Variants in F8 observed in about 807,000 individuals in gnomAD.
F8 encodes the protein antihemophilic factor.
F8 carries 12 observed loss-of-function variants against 140.6 expected under a neutral mutation model. The ratio of observed to expected loss-of-function variants is 0.09; its 90% CI spans 0.05 to 0.14. The LOEUF (loss-of-function observed/expected upper bound fraction) is 0.14, where lower values mean the gene tolerates loss of function less well. Ranked by LOEUF, F8 falls within the 10% of genes least tolerant of loss-of-function variation. F8 has a pLI of 1.00. For missense variants in F8, 1,354 were observed against 1,720.7 expected, an observed-to-expected ratio of 0.79 and a Z score of 3.77; for synonymous variants, 585 against 614.6, an observed-to-expected ratio of 0.95 and a Z score of 0.71.
At chrX:155,012,868 C>T (rs1311477620) in intron 1 of F8, among the ~76,000 whole-genome samples, 4 of 109,682 alleles carry the variant, frequency 3.6e-5, no homozygotes, top group Non-Finnish European at 7.6e-5. Context: ...AATAGTCAGC[C>T]GGGCGCGGTG....
At chrX:155,009,385 T>C (rs2073694588) in intron 1 of F8, among the ~76,000 whole-genome samples, 1 of 111,221 alleles carries the variant, frequency 9.0e-6, no homozygotes, top group African/African-American at 3.3e-5. Flanking sequence ...TCTGTGCAGT[T>C]TCCATTGATT....
In F8 at chrX:155,022,516, G is replaced by A; in HGVS notation, c.37C>T (p.Leu13Phe). ...GTGGCACTAAAGCAGAATCGCAAAA[G>A]GCACAGAAAGAAGCAGGTGGAGAGC... ...IELSTCFFLC[L>F]LRFCFSATRR... The change falls in exon 1 of 26, where the codon CTT (leucine) becomes TTT (phenylalanine). Residue 13 changes from leucine to phenylalanine, a missense_variant. Transcript: ENST00000360256. The A allele has an allele frequency of 8.3e-7, 1 of 1,211,527 alleles. No individual in the cohort carries two copies. Among genetic ancestry groups the A allele is most frequent in the Admixed American group, 2.2e-5 (1 of 46,012 alleles).
intron 5 of F8, 91 bp downstream of exon 5, chrX:154,987,146 T>C: frequency 1.3e-6 from 1 of 744,421 alleles, no homozygotes; most frequent in South Asian, 2.3e-5. Flanking sequence ...TGAACAGTAA[T>C]GTAATTTATG....
intron 14 of F8, 27 bp downstream of exon 14, chrX:154,928,544 G>A (rs1557278248): frequency 8.7e-7 from 1 of 1,147,980 alleles, no homozygotes; most frequent in East Asian, 3.0e-5. Context: ...CAAGAGCAGA[G>A]CAAAGGAATA....
rs2073190521 is a variant in F8 at position 154,930,675 on chromosome X, A to G, written c.3115T>C (p.Leu1039=). 1 of 1,209,300 alleles carries G rather than the reference A, an allele frequency of 8.3e-7. No homozygotes were observed. The highest frequency in any genetic ancestry group is 3.0e-5 in the East Asian group (1 of 33,829). The change falls in exon 14 of 26, where the codon TTA becomes CTA. Residue 1039 remains leucine (L), a synonymous_variant. Coordinates refer to ENST00000360256, the MANE Select transcript of F8 (RefSeq NM_000132.4). ...NRKTHIDGPS[L]LIENSPSVWQ... is the part of the protein sequence containing the mutation. ...ACTGATGGACTATTCTCAATTAATA[A>G]TGATGGGCCATCAATGTGAGTCTTT...
chrX:154,927,068 C>T (rs1316480422), intron 14 of F8, among the ~76,000 whole-genome samples: 2 of 111,178 alleles, frequency 1.8e-5, no homozygotes, highest in Non-Finnish European at 3.8e-5. Flanking sequence ...CCTGTATCAA[C>T]GATGGAGTAA....
chrX:155,014,040 G>A (rs2073722561), intron 1 of F8, among the ~76,000 whole-genome samples: 1 of 111,216 alleles, frequency 9.0e-6, no homozygotes, highest in South Asian at 3.8e-4. Flanking sequence ...GTGGGGGGAG[G>A]TGGAGACAAT....
rs957842258 is a variant in F8 at position 154,976,531 on chromosome X, G to A, written c.788-6979C>T. 5.5e-5 allele frequency among the ~76,000 whole-genome samples: 6 copies of A among 109,865 alleles called. No homozygotes were observed. In the East Asian group the frequency reaches 8.5e-4, roughly 16 times the overall value. ...GCTGGTGCACTGCACCCACTAACTC[G>A]TCATCTAGCATTAGGTATATCTCCT... On this transcript the variant is annotated intron_variant, in intron 6 of 25. Coordinates refer to ENST00000360256, the MANE Select transcript of F8 (RefSeq NM_000132.4).
At chrX:154,958,689 C>T (rs1557281410) in intron 10 of F8, among the ~76,000 whole-genome samples, 2 of 112,025 alleles carry the variant, frequency 1.8e-5, no homozygotes, top group African/African-American at 6.5e-5. Flanking sequence ...TCTTGGCTCA[C>T]TGCAACCTTC....
intron 4 of F8, among the ~76,000 whole-genome samples, chrX:154,990,902 T>C (rs1396348673): frequency 8.9e-6 from 1 of 112,045 alleles, no homozygotes; most frequent in African/African-American, 3.2e-5. Flanking sequence ...CTTTTCTCTC[T>C]GTCATCTATA....
intron 14 of F8, among the ~76,000 whole-genome samples, chrX:154,917,406 T>C (rs939525239): frequency 4.3e-4 from 48 of 111,879 alleles, no homozygotes; most frequent in African/African-American, 1.5e-3. Context: ...AGTTTAATTA[T>C]TGTATGCCTT....
intron 11 of F8, among the ~76,000 whole-genome samples, chrX:154,954,770 T>C (rs2073354915): frequency 8.9e-6 from 1 of 111,913 alleles, no homozygotes; most frequent in South Asian, 3.7e-4. Flanking sequence ...GAATAATATT[T>C]CAGTTCTCTT....
Position 154,984,916 on chromosome X carries a change from A to G in F8, c.671-113T>C, listed in dbSNP as rs1603436139. On this transcript the variant is annotated intron_variant, in intron 5 of 25. Transcript: ENST00000360256. ...TGCTCACACCTTAAGCATTTTTGTC[A>G]GCAAAGTAGGCACACAGCACTTATC... 9 of 589,439 alleles carry G rather than the reference A, an allele frequency of 1.5e-5. No individual in the cohort carries two copies. The East Asian group carries it at 2.9e-4, about 19-fold the overall frequency. The allele number at this position is 589,439 out of a possible 1,213,427, so 48.6% of individuals were successfully genotyped here. A position where few individuals can be genotyped will look rare whatever the true frequency, so the allele number is the denominator to read the frequency against.
At chrX:154,911,988 T>C (rs1233535177) in intron 14 of F8, among the ~76,000 whole-genome samples, 5 of 112,409 alleles carry the variant, frequency 4.4e-5, no homozygotes, top group Non-Finnish European at 9.4e-5. Flanking sequence ...TGTTGGCCAT[T>C]TGTATGTTTT....
rs374988541 is a variant in F8, at chrX:154,906,502, T to C, written c.5291A>G (p.Gln1764Arg). Reference sequence around the variant, plus strand: ...ATTTAGTTCTCCACGGTATAAGGGCTGAGTAAAGGAGCCATCAGTAAATTC... The same window carrying C: ...ATTTAGTTCTCCACGGTATAAGGGCCGAGTAAAGGAGCCATCAGTAAATTC... Reference protein sequence around the residue: ...FQEFTDGSFTQPLYRGELNEH... With the variant: ...FQEFTDGSFTRPLYRGELNEH... The change falls in exon 15 of 26, where the codon CAG (glutamine) becomes CGG (arginine). Residue 1764 changes from glutamine (Q) to arginine (R), a missense_variant. Gln to Arg is a conservative substitution (Grantham distance 43). Coordinates refer to ENST00000360256, the MANE Select transcript of F8 (RefSeq NM_000132.4). 1.3e-4 allele frequency: 160 copies of C among 1,208,044 alleles called. No individual in the cohort carries two copies. Among genetic ancestry groups the C allele is most frequent in the Non-Finnish European group, 1.5e-4 (138 of 893,782 alleles).
At chrX:154,898,872 G>A (rs1251780608) in intron 21 of F8, among the ~76,000 whole-genome samples, 2 of 111,535 alleles carry the variant, frequency 1.8e-5, no homozygotes, top group Non-Finnish European at 3.8e-5. Flanking sequence ...AGGGTTCATT[G>A]GCTAGGCACA....
chrX:154,929,924 T>G lies in F8; in HGVS notation c.3866A>C (p.Lys1289Thr), dbSNP rs985841292. ...RTKKHTAHFSKKGEEENLEGL... is the reference protein window; with the variant it reads ...RTKKHTAHFSTKGEEENLEGL... ...TTCCAAGTTTTCTTCCTCCCCTTTTTTTGAGAAATGAGCTGTGTGTTTCTT... is the reference window on the plus strand; with the variant it reads ...TTCCAAGTTTTCTTCCTCCCCTTTTGTTGAGAAATGAGCTGTGTGTTTCTT... Residue 1289 changes from lysine to threonine, a missense_variant, in exon 14 of 26, where the codon AAA becomes ACA. Lys to Thr is a moderately conservative substitution (Grantham distance 78). This residue lies in a region of F8 where 658 missense variants were observed against 666.5 expected (regional missense o/e 0.99). Transcript: ENST00000360256. 1 of 1,209,798 alleles carries G rather than the reference T, an allele frequency of 8.3e-7. No homozygotes were observed. Among genetic ancestry groups the G allele is most frequent in the Non-Finnish European group, 1.1e-6 (1 of 895,171 alleles).
chrX:154,867,711 A>G (rs1415794793), intron 22 of F8, among the ~76,000 whole-genome samples: 3 of 103,159 alleles, frequency 2.9e-5, no homozygotes, highest in Non-Finnish European at 5.9e-5. Context: ...AAAAAAAAAA[A>G]GAAAGAAAAA....
chrX:154,929,613 G>A lies in F8; in HGVS notation c.4177C>T (p.Leu1393Phe). ...TGAGGGATGCTATGACTCCTCGTAAGGCAATCTGATAAGGGAGACTGAGTA... is the reference window on the plus strand; with the variant it reads ...TGAGGGATGCTATGACTCCTCGTAAAGCAATCTGATAAGGGAGACTGAGTA... ...AITQSPLSDC[L>F]TRSHSIPQAN... The change falls in exon 14 of 26, where the codon CTT becomes TTT. Residue 1393 changes from leucine (L) to phenylalanine (F), a missense_variant. Around this residue, in one of 4 missense-constraint regions of F8, gnomAD observed 658 missense variants for 666.5 expected, o/e 0.99. Coordinates refer to ENST00000360256, the MANE Select transcript of F8 (RefSeq NM_000132.4). 3 of 1,211,170 alleles carry A rather than the reference G, an allele frequency of 2.5e-6. No homozygotes were observed. The highest frequency in any genetic ancestry group is 3.4e-6 in the Non-Finnish European group (3 of 895,106).
Sources: allele counts gnomAD v4.1 joint callset (sites outside exome capture counted in the v4.1 genomes callset), GRCh38; gene constraint gnomAD v4.1.1; regional missense constraint gnomAD v4.1.1; transcripts MANE v1.5; gene names NCBI Gene and HGNC (gene_info 2026-07-23, HGNC 2026-07-21).